Variants in TNXB observed in about 807,000 individuals in gnomAD.
TNXB encodes the protein tenascin XB.
TNXB carries 183 observed loss-of-function variants against 340.5 expected under a neutral mutation model. The observed-to-expected ratio is 0.54, with a 90% CI of 0.48 to 0.61. The LOEUF is 0.61. Among genes scored for constraint, TNXB ranks in the 20% least tolerant of loss-of-function variants. The pLI, the probability that TNXB is intolerant of heterozygous loss-of-function variation, is 0.00. For synonymous variants in TNXB, 2,121 were observed against 2,314.5 expected (o/e 0.92, Z 2.40); for missense variants, 4,613 against 5,446.4 (o/e 0.85, Z 4.82).
rs537267871 is a variant in TNXB, at chr6:32,069,877, G to A, written c.5279-16C>T. On this transcript the variant is annotated splice_polypyrimidine_tract_variant and intron_variant, in intron 14 of 43. Transcript: ENST00000644971. This position sits in a 1 kb window ranked among gnomAD's most constrained non-coding sequence, Gnocchi z 6.2. ...CTCCGGGCTTCTGAGATGGAGACAC[G>A]GAGAGGAAACGGCTGAGCTGTTTCT... 101 of 1,573,638 alleles carry A rather than the reference G, an allele frequency of 6.4e-5. No homozygotes were observed. In the South Asian group the frequency reaches 9.5e-4, roughly 15 times the overall value.
rs749081248 is a variant in TNXB at position 32,068,938 on chromosome 6, C to T, written c.5786G>A (p.Gly1929Asp). 9.3e-6 allele frequency: 15 copies of T among 1,612,792 alleles called. No homozygotes were observed. The Admixed American group carries it at 1.5e-4, about 16-fold the overall frequency. The change falls in exon 16 of 44, where the codon GGT becomes GAT. Residue 1929 changes from glycine to aspartate, a missense_variant. Transcript: ENST00000644971. This position sits in a 1 kb window ranked among gnomAD's most constrained non-coding sequence, Gnocchi z 5.3. ...AGAGAGGGTGATGTCATTCCGGTCA[C>T]CTCCTATGCGGACCATTTGGAGTTG... ...DGQLQMVRIG[G>D]DRNDITLSGL...
Position 32,047,930 on chromosome 6 carries a change from C to G in TNXB, c.10128G>C (p.Thr3376=). The G allele has an allele frequency of 1.9e-6, 3 of 1,612,512 alleles. No homozygotes were observed. The highest frequency in any genetic ancestry group is 2.5e-6 in the Non-Finnish European group (3 of 1,179,618). The change falls in exon 30 of 44, where the codon ACG becomes ACC. Residue 3376 remains threonine, a synonymous_variant. Coordinates refer to ENST00000644971, the MANE Select transcript of TNXB (RefSeq NM_001365276.2). The surrounding 1 kb of genome is among the most constrained non-coding windows in gnomAD (Gnocchi z 6.2). The part of the protein sequence containing the change: ...ATPDSVGLSW[T]VPEGEFDSFV... Reference sequence around the variant, plus strand: ...AGGAGTCGAATTCGCCCTCAGGGACCGTCCACGAGAGGCCCACGGAGTCAG... The same window carrying G: ...AGGAGTCGAATTCGCCCTCAGGGACGGTCCACGAGAGGCCCACGGAGTCAG...
At chr6:32,106,699 G>A (rs1429974943) in intron 1 of TNXB, among the ~76,000 whole-genome samples, 1 of 152,160 alleles carries the variant, frequency 6.6e-6, no homozygotes, top group Non-Finnish European at 1.5e-5. Context: ...CGAGAGGCCT[G>A]GCATACAGAG....
rs1779937516 is a variant in TNXB, at chr6:32,088,808, G to A, written c.2756C>T (p.Pro919Leu). ...TAERGRAVSY[P>L]ASVRANTGSS... ...ACCTGTGTTGGCCCTGACAGAAGCTGGGTAGCTGACTGCCCGGCCCCGCTC... is the reference window on the plus strand; with the variant it reads ...ACCTGTGTTGGCCCTGACAGAAGCTAGGTAGCTGACTGCCCGGCCCCGCTC... Residue 919 changes from proline to leucine, a missense_variant, in exon 6 of 44, where the codon CCA (proline) becomes CTA (leucine). Physicochemically the swap from Pro to Leu is moderately conservative, Grantham distance 98. Coordinates refer to ENST00000644971, the MANE Select transcript of TNXB (RefSeq NM_001365276.2). The A allele has an allele frequency of 6.3e-7, 1 of 1,577,508 alleles. No homozygotes were observed. The highest frequency in any genetic ancestry group is 8.6e-7 in the Non-Finnish European group (1 of 1,162,430).
chr6:32,090,492 A>G lies in TNXB; in HGVS notation c.2359-1113T>C, dbSNP rs1780026970. Among the ~76,000 whole-genome samples the G allele has an allele frequency of 6.6e-6, 1 of 152,186 alleles. No homozygotes were observed. The highest frequency in any genetic ancestry group is 6.5e-5 in the Admixed American group (1 of 15,276). On this transcript the variant is annotated intron_variant, in intron 4 of 43. Coordinates refer to ENST00000644971, the MANE Select transcript of TNXB (RefSeq NM_001365276.2). The surrounding 1 kb of genome is among the most constrained non-coding windows in gnomAD (Gnocchi z 4.3). ...TGTCCAGCTAGGACAGCCGCTAAGGATGCTGTGTTCTGCCTAGCTATGTTG... is the reference window on the plus strand; with the variant it reads ...TGTCCAGCTAGGACAGCCGCTAAGGGTGCTGTGTTCTGCCTAGCTATGTTG...
In TNXB at chr6:32,069,644, C is replaced by T. The variant is rs762597426; in HGVS notation, c.5496G>A (p.Pro1832=). The T allele has an allele frequency of 9.9e-6, 16 of 1,612,700 alleles. No individual in the cohort carries two copies. Among genetic ancestry groups the T allele is most frequent in the South Asian group, 5.5e-5 (5 of 90,970 alleles). ...TGTACCTGTGGGCAGGGTCCAGGCC[C>T]GGCACGCTGACCTCCCTGAGGCTGC... The part of the protein sequence containing the change: ...VEGSLREVSV[P]GLDPAHRYKL... The change falls in exon 15 of 44, where the codon CCG becomes CCA. Residue 1832 remains proline (P), a synonymous_variant. Coordinates refer to ENST00000644971, the MANE Select transcript of TNXB (RefSeq NM_001365276.2). The surrounding 1 kb of genome is among the most constrained non-coding windows in gnomAD (Gnocchi z 6.2).
At position 32,096,338 on chromosome 6, in the gene TNXB, C is replaced by A; in HGVS notation, c.1515G>T (p.Gly505=). The A allele has an allele frequency of 6.5e-7, 1 of 1,547,818 alleles. No homozygotes were observed. Among genetic ancestry groups the A allele is most frequent in the Admixed American group, 1.9e-5 (1 of 51,912 alleles). Residue 505 remains glycine, a synonymous_variant, in exon 3 of 44, where the codon GGG becomes GGT. Transcript: ENST00000644971. ...ACACGCAGCGGCCATCCACGCAGCG[C>A]CCGCGCCCGCGACAGTCGCCAGGAC... ...RACPGDCRGR[G]RCVDGRCVCN...
At chr6:32,065,143 T>G in intron 18 of TNXB, 26 bp from the exon 19 acceptor site, 1 of 1,513,806 alleles carries the variant, frequency 6.6e-7, no homozygotes, top group Non-Finnish European at 8.9e-7. Context: ...AACAGAATCT[T>G]TTCTCTTGCT....
At position 32,090,931 on chromosome 6, in the gene TNXB, A is replaced by G. The variant is rs1780045127; in HGVS notation, c.2359-1552T>C. 6.6e-6 allele frequency among the ~76,000 whole-genome samples: 1 copy of G among 152,042 alleles called. No individual in the cohort carries two copies. Among genetic ancestry groups the G allele is most frequent in the South Asian group, 2.1e-4 (1 of 4,826 alleles). ...CACACACCTTGGATGCTCCCTGATGATGTCTGGTTCTTTCAGTGAGGCAAG... is the reference window on the plus strand; with the variant it reads ...CACACACCTTGGATGCTCCCTGATGGTGTCTGGTTCTTTCAGTGAGGCAAG... On this transcript the variant is annotated intron_variant, in intron 4 of 43. Transcript: ENST00000644971. This position sits in a 1 kb window ranked among gnomAD's most constrained non-coding sequence, Gnocchi z 4.3.
chr6:32,084,819 C>G lies in TNXB; in HGVS notation c.3149-110G>C. 9.9e-7 allele frequency: 1 copy of G among 1,009,338 alleles called. No individual in the cohort carries two copies. Among genetic ancestry groups the G allele is most frequent in the East Asian group, 2.7e-5 (1 of 37,100 alleles). 62.5% of individuals were successfully genotyped at this position (1,009,338 alleles called of 1,614,324 possible). Reference sequence around the variant, plus strand: ...ACTCCATCCTGGATAGATCCCTCCCCGGAAGACTCTATCTGCCCACCCCTC... The same window carrying G: ...ACTCCATCCTGGATAGATCCCTCCCGGGAAGACTCTATCTGCCCACCCCTC... On this transcript the variant is annotated intron_variant, in intron 7 of 43. Transcript: ENST00000644971. The surrounding 1 kb of genome is among the most constrained non-coding windows in gnomAD (Gnocchi z 5.5).
chr6:32,097,346 G>T lies in TNXB; in HGVS notation c.507C>A (p.Asp169Glu). ...AGGGAGGGATCTCAGCATCTGTGGGGTCTGAGCAGGTGGGCCCACCCCAGC... is the reference window on the plus strand; with the variant it reads ...AGGGAGGGATCTCAGCATCTGTGGGTTCTGAGCAGGTGGGCCCACCCCAGC... ...EPGWGGPTCS[D>E]PTDAEIPPSS... The change falls in exon 3 of 44, where the codon GAC becomes GAA. Residue 169 changes from aspartate (D) to glutamate (E), a missense_variant. Transcript: ENST00000644971. The surrounding 1 kb of genome is among the most constrained non-coding windows in gnomAD (Gnocchi z 5.9). 1.2e-6 allele frequency: 2 copies of T among 1,613,236 alleles called. No homozygotes were observed. The highest frequency in any genetic ancestry group is 1.7e-6 in the Non-Finnish European group (2 of 1,179,882).
intron 25 of TNXB, 134 bp downstream of exon 25, chr6:32,053,254 G>C (rs1036335120): frequency 4.3e-6 from 6 of 1,394,038 alleles, no homozygotes; most frequent in Non-Finnish European, 5.8e-6. Flanking sequence ...TCAGTCCTCA[G>C]GGAAGTGGGG....
intron 21 of TNXB, among the ~76,000 whole-genome samples, chr6:32,059,092 T>C (rs1399191628): frequency 2.0e-5 from 3 of 151,820 alleles, no homozygotes; most frequent in Non-Finnish European, 4.4e-5. Flanking sequence ...ATAATGTTGC[T>C]GTATTATTTT....
chr6:32,095,338 G>C (rs1212156499), intron 3 of TNXB, 147 bp from the exon 4 acceptor site: 3 of 729,786 alleles, frequency 4.1e-6, no homozygotes, highest in Non-Finnish European at 4.5e-6. Flanking sequence ...AGGGCTGAAC[G>C]GGGCTTGGAT....
chr6:32,065,096 T>C lies in TNXB; in HGVS notation c.6566A>G (p.Asp2189Gly), dbSNP rs1039877702. The change falls in exon 19 of 44, where the codon GAT becomes GGT. Residue 2189 changes from aspartate to glycine, a missense_variant. Coordinates refer to ENST00000644971, the MANE Select transcript of TNXB (RefSeq NM_001365276.2). Reference protein sequence around the residue: ...GVTAPEEESPDAPLAKLRLGQ... With the variant: ...GVTAPEEESPGAPLAKLRLGQ... Reference sequence around the variant, plus strand: ...TAGGCGCAGCTTTGCAAGAGGAGCATCAGGGGACTCCTCTTCGGGGGCTAG... The same window carrying C: ...TAGGCGCAGCTTTGCAAGAGGAGCACCAGGGGACTCCTCTTCGGGGGCTAG... 3 of 1,584,766 alleles carry C rather than the reference T, an allele frequency of 1.9e-6. No individual in the cohort carries two copies. Among genetic ancestry groups the C allele is most frequent in the Non-Finnish European group, 2.6e-6 (3 of 1,164,936 alleles).
At position 32,070,201 on chromosome 6, in the gene TNXB, C is replaced by T. The variant is rs573721058; in HGVS notation, c.5204G>A (p.Arg1735His). Reference sequence around the variant, plus strand: ...GCCATAGAGGAGGAATCTGTACTTGCGGCCGGCATCCAGAGGGGTGACAGT... The same window carrying T: ...GCCATAGAGGAGGAATCTGTACTTGTGGCCGGCATCCAGAGGGGTGACAGT... ...SVTVTPLDAG[R>H]KYRFLLYGLL... is the part of the protein sequence containing the mutation. The change falls in exon 14 of 44, where the codon CGC (arginine) becomes CAC (histidine). Residue 1735 changes from arginine to histidine, a missense_variant. Around this residue, in one of 7 missense-constraint regions of TNXB, gnomAD observed 4,327 missense variants for 4,859.4 expected, o/e 0.89. Coordinates refer to ENST00000644971, the MANE Select transcript of TNXB (RefSeq NM_001365276.2). This position sits in a 1 kb window ranked among gnomAD's most constrained non-coding sequence, Gnocchi z 6.0. The T allele has an allele frequency of 4.6e-5, 74 of 1,611,780 alleles. No homozygotes were observed. Among genetic ancestry groups the T allele is most frequent in the Admixed American group, 8.3e-5 (5 of 59,960 alleles).
intron 1 of TNXB, among the ~76,000 whole-genome samples, chr6:32,105,184 T>C (rs547841799): frequency 2.0e-5 from 3 of 152,204 alleles, no homozygotes; most frequent in Non-Finnish European, 4.4e-5. Context: ...CCCCAGATCT[T>C]TGTATACTCT....
intron 11 of TNXB, among the ~76,000 whole-genome samples, chr6:32,077,421 ACTAT>A (rs1165863600): frequency 6.6e-6 from 1 of 152,244 alleles, no homozygotes; most frequent in East Asian, 1.9e-4. Context: ...GTTCTGGAAA[ACTAT>A]CTATTTCTCT....
At chr6:32,071,790 T>C (rs1227476764) in intron 13 of TNXB, among the ~76,000 whole-genome samples, 200 bp downstream of exon 13, 1 of 152,198 alleles carries the variant, frequency 6.6e-6, no homozygotes, top group Non-Finnish European at 1.5e-5. Flanking sequence ...TTTGCCATGT[T>C]GGCCAGACTG....
Sources: gnomAD v4.1 joint callset for allele counts (sites outside exome capture counted in the v4.1 genomes callset) on GRCh38, gnomAD v4.1.1 for gene constraint, gnomAD v4.1.1 regional missense constraint, Gnocchi (gnomAD v3.1) non-coding constraint, MANE v1.5 for transcripts, NCBI Gene and HGNC (gene_info 2026-07-23, HGNC 2026-07-21) for gene names.